ERH: variants seen among roughly 807,000 people sequenced by gnomAD.
The protein encoded by ERH is ERH mRNA splicing and mitosis factor.
ERH carries 1 observed loss-of-function variant against 16.8 expected under a neutral mutation model. The ratio of observed to expected loss-of-function variants is 0.06; its 90% confidence interval spans 0.02 to 0.28. The LOEUF is 0.28. Among genes scored for constraint, ERH ranks in the 10% least tolerant of loss-of-function variants. The probability of loss-of-function intolerance (pLI) is 1.00; values close to 1 mark genes in which losing one functional copy is unlikely to be tolerated. For synonymous variants in ERH, 43 were observed against 43.6 expected (o/e 0.99, Z 0.05); for missense variants, 42 against 127.5 (o/e 0.33, Z 3.23).
At chr14:69,395,342 A>C (rs1219079370) in intron 1 of ERH, among the ~76,000 whole-genome samples, 5 of 152,096 alleles carry the variant, frequency 3.3e-5, no homozygotes, top group Non-Finnish European at 7.4e-5. Flanking sequence ...AAAAATATTG[A>C]TGTCTTAGTC....
chr14:69,394,506 G>C (rs945914800), intron 2 of ERH, among the ~76,000 whole-genome samples: 1 of 152,228 alleles, frequency 6.6e-6, no homozygotes, highest in African/African-American at 2.4e-5. Context: ...TGAGGCACAA[G>C]AGAATCACTT....
chr14:69,397,208 C>T (rs1882363810), intron 1 of ERH, among the ~76,000 whole-genome samples: 1 of 152,160 alleles, frequency 6.6e-6, no homozygotes, highest in African/African-American at 2.4e-5. Context: ...AAGTGGTTAT[C>T]ATTTTTAAAT....
At chr14:69,384,344 G>A (rs1035710953) in intron 3 of ERH, among the ~76,000 whole-genome samples, 11 of 152,184 alleles carry the variant, frequency 7.2e-5, no homozygotes, top group Non-Finnish European at 1.5e-5. Flanking sequence ...AGATTTGTCT[G>A]AATTTTACAA....
chr14:69,385,763 G>A (rs920794772), intron 3 of ERH, among the ~76,000 whole-genome samples: 1 of 151,394 alleles, frequency 6.6e-6, no homozygotes, highest in African/African-American at 2.4e-5. Flanking sequence ...TACCACAACC[G>A]TTCTGGAAGT....
intron 3 of ERH, among the ~76,000 whole-genome samples, chr14:69,384,065 T>C (rs1036083452): frequency 2.6e-5 from 4 of 152,202 alleles, no homozygotes; most frequent in Non-Finnish European, 5.9e-5. Flanking sequence ...ATCATTAACA[T>C]GTCACTTGTA....
At chr14:69,394,751 A>T (rs1047129075) in intron 2 of ERH, 74 bp downstream of exon 2, 1 of 1,122,316 alleles carries the variant, frequency 8.9e-7, no homozygotes, top group African/African-American at 1.6e-5. Flanking sequence ...CTATTAAAAA[A>T]AAAAAATTTG....
At chr14:69,380,992 A>G (rs1207481405) in intron 3 of ERH, among the ~76,000 whole-genome samples, 1 of 152,172 alleles carries the variant, frequency 6.6e-6, no homozygotes, top group African/African-American at 2.4e-5. Flanking sequence ...AAACAACAAC[A>G]AAAAAATTGG....
At chr14:69,390,303 T>G (rs2045916901) in intron 2 of ERH, among the ~76,000 whole-genome samples, 2 of 152,088 alleles carry the variant, frequency 1.3e-5, no homozygotes, top group Non-Finnish European at 2.9e-5. Flanking sequence ...CTTCCTGATT[T>G]CAAAACTTAC....
intron 3 of ERH, among the ~76,000 whole-genome samples, chr14:69,383,926 T>A (rs947136162): frequency 6.6e-6 from 1 of 152,138 alleles, no homozygotes; most frequent in African/African-American, 2.4e-5. Context: ...GGAAGGAGGA[T>A]CACTTGAGCC....
chr14:69,388,363 CT>C (rs1247916936), intron 2 of ERH, among the ~76,000 whole-genome samples: 4 of 148,688 alleles, frequency 2.7e-5, no homozygotes, highest in Non-Finnish European at 3.0e-5. Context: ...TAATACTCTC[CT>C]TTTTTTTTTC....
chr14:69,391,536 T>A (rs1238007255), intron 2 of ERH, among the ~76,000 whole-genome samples: 1 of 151,228 alleles, frequency 6.6e-6, no homozygotes, highest in East Asian at 1.9e-4. Context: ...TAATCCCAGC[T>A]ACTTGGGTGG....
intron 1 of ERH, among the ~76,000 whole-genome samples, 198 bp from the exon 2 acceptor site, chr14:69,395,110 C>T (rs1326605443): frequency 6.6e-6 from 1 of 152,116 alleles, no homozygotes; most frequent in African/African-American, 2.4e-5. Flanking sequence ...AGGCCAGAAG[C>T]TTGAGACCAA....
intron 1 of ERH, among the ~76,000 whole-genome samples, chr14:69,396,530 G>A (rs1882338534): frequency 6.6e-6 from 1 of 152,182 alleles, no homozygotes. Context: ...CAAAGTGCTG[G>A]GATTACAGGC....
At chr14:69,387,224 G>A (rs764133224) in intron 2 of ERH, 141 bp from the exon 3 acceptor site, 1 of 635,694 alleles carries the variant, frequency 1.6e-6, no homozygotes, top group Non-Finnish European at 2.6e-6. Flanking sequence ...TAGATTGATG[G>A]CTTTTGATTA....
intron 2 of ERH, among the ~76,000 whole-genome samples, chr14:69,394,545 C>A (rs773362258): frequency 3.9e-5 from 6 of 152,132 alleles, no homozygotes; most frequent in Non-Finnish European, 5.9e-5. Flanking sequence ...TTGCGTAAGC[C>A]GAGATCGCAT....
chr14:69,392,796 T>A (rs1882247993), intron 2 of ERH, among the ~76,000 whole-genome samples: 2 of 151,702 alleles, frequency 1.3e-5, no homozygotes, highest in South Asian at 4.2e-4. Flanking sequence ...AGAAAGAGAG[T>A]AATATCGGAA....
Position 69,398,294 on chromosome 14 carries a change from T to A in ERH, c.-61A>T. 4 of 1,612,200 alleles carry A rather than the reference T, an allele frequency of 2.5e-6. No individual in the cohort carries two copies. The highest frequency in any genetic ancestry group is 3.4e-6 in the Non-Finnish European group (4 of 1,179,112). ...ACCGCCGCCGTTACACGAGCTTAAC[T>A]ACAACGCCGCTAACAGCCAATCCTC... On this transcript the variant is annotated 5_prime_UTR_variant, in exon 1 of 4. Coordinates refer to ENST00000557016, the MANE Select transcript of ERH (RefSeq NM_004450.3).
intron 2 of ERH, among the ~76,000 whole-genome samples, chr14:69,390,155 G>A (rs1325997702): frequency 3.9e-5 from 6 of 152,138 alleles, no homozygotes; most frequent in South Asian, 2.1e-4. Flanking sequence ...GATGATCTAC[G>A]GATTCAACGC....
intron 1 of ERH, among the ~76,000 whole-genome samples, chr14:69,397,000 T>C (rs1882355449): frequency 6.6e-6 from 1 of 152,208 alleles, no homozygotes; most frequent in South Asian, 2.1e-4. Context: ...ACTATAATAA[T>C]TGTATTCCAA....
Sources: gnomAD v4.1 joint callset for allele counts (sites outside exome capture counted in the v4.1 genomes callset) on GRCh38, gnomAD v4.1.1 for gene constraint, MANE v1.5 for transcripts, NCBI Gene and HGNC (gene_info 2026-07-23, HGNC 2026-07-21) for gene names.